LIX1: variants seen among roughly 807,000 people sequenced by gnomAD.
The protein encoded by LIX1 is protein limb expression 1 homolog.
A neutral mutation model predicts 33.4 loss-of-function variants in LIX1; 24 were observed. The ratio of observed to expected loss-of-function variants is 0.72; its 90% CI spans 0.52 to 1.01. LIX1 has a LOEUF of 1.01. Among genes scored for constraint, LIX1 ranks in the 50% least tolerant of loss-of-function variants. The probability of loss-of-function intolerance (pLI) is 0.00; values close to 1 mark genes in which losing one functional copy is unlikely to be tolerated. For synonymous variants in LIX1, 124 were observed against 124.0 expected (o/e 1.00, Z 0.00); for missense variants, 311 against 339.2 (o/e 0.92, Z 0.65).
intron 1 of LIX1, among the ~76,000 whole-genome samples, chr5:97,127,910 A>T (rs1747969729): frequency 6.6e-6 from 1 of 152,192 alleles, no homozygotes; most frequent in South Asian, 2.1e-4. Context: ...TCTCAAAAGA[A>T]TTTGTGCTGC....
chr5:97,098,355 G>A (rs1746499910), intron 4 of LIX1, among the ~76,000 whole-genome samples: 1 of 152,170 alleles, frequency 6.6e-6, no homozygotes, highest in Non-Finnish European at 1.5e-5. Context: ...GCAAGCTAAG[G>A]TGTATAAGTT....
chr5:97,096,146 G>A (rs1474582760), intron 5 of LIX1, among the ~76,000 whole-genome samples: 1 of 152,182 alleles, frequency 6.6e-6, no homozygotes, highest in Admixed American at 6.5e-5. Context: ...ACGGTGGGTA[G>A]AGGAAGGATA....
chr5:97,098,803 T>C (rs1320950153), intron 4 of LIX1, among the ~76,000 whole-genome samples: 1 of 152,222 alleles, frequency 6.6e-6, no homozygotes, highest in East Asian at 1.9e-4. Flanking sequence ...ATCAGGAGAC[T>C]CATAGTCAGG....
intron 4 of LIX1, among the ~76,000 whole-genome samples, chr5:97,097,356 G>C (rs1325141108): frequency 6.6e-6 from 1 of 152,198 alleles, no homozygotes; most frequent in African/African-American, 2.4e-5. Flanking sequence ...AAGAAAGGAT[G>C]AGAACGTTCC....
At chr5:97,119,167 T>C (rs1251966482) in intron 2 of LIX1, among the ~76,000 whole-genome samples, 1 of 152,240 alleles carries the variant, frequency 6.6e-6, no homozygotes, top group African/African-American at 2.4e-5. Context: ...TTTCAATTAC[T>C]TGGCACCATT....
chr5:97,130,232 C>T (rs181920391), intron 1 of LIX1, among the ~76,000 whole-genome samples: 8 of 152,314 alleles, frequency 5.3e-5, no homozygotes, highest in African/African-American at 1.4e-4. Context: ...TGGTTTCCCC[C>T]GTAGAGAGAA....
At chr5:97,098,294 A>G (rs1746497496) in intron 4 of LIX1, among the ~76,000 whole-genome samples, 1 of 152,228 alleles carries the variant, frequency 6.6e-6, no homozygotes, top group African/African-American at 2.4e-5. Flanking sequence ...GGCTGAGCAC[A>G]GCATTCAGAC....
chr5:97,103,768 A>G (rs1746849418), intron 4 of LIX1, among the ~76,000 whole-genome samples: 1 of 152,152 alleles, frequency 6.6e-6, no homozygotes. Flanking sequence ...GATGGAGACC[A>G]TCCTGGCTAA....
chr5:97,117,336 G>A (rs1747660177), intron 2 of LIX1, among the ~76,000 whole-genome samples: 1 of 152,142 alleles, frequency 6.6e-6, no homozygotes, highest in Non-Finnish European at 1.5e-5. Flanking sequence ...GAAATACTAG[G>A]CATTAAAACA....
At chr5:97,123,716 T>G (rs1747841635) in intron 2 of LIX1, among the ~76,000 whole-genome samples, 2 of 152,216 alleles carry the variant, frequency 1.3e-5, no homozygotes, top group African/African-American at 2.4e-5. Flanking sequence ...TATGAAGATC[T>G]CTTATGGTTT....
chr5:97,095,387 T>C (rs1746325818), intron 5 of LIX1, among the ~76,000 whole-genome samples: 1 of 152,228 alleles, frequency 6.6e-6, no homozygotes, highest in South Asian at 2.1e-4. Context: ...TTGAACCCTG[T>C]TGCCCAGCAT....
At chr5:97,126,540 G>A (rs31012) in intron 1 of LIX1, among the ~76,000 whole-genome samples, 106,903 of 152,002 alleles carry the variant, frequency 0.7, 38,381 homozygotes, top group African/African-American at 0.83. Flanking sequence ...GGATACTTGA[G>A]TTAATCAATA....
At chr5:97,135,426 A>C (rs188758773) in intron 1 of LIX1, among the ~76,000 whole-genome samples, 2 of 152,340 alleles carry the variant, frequency 1.3e-5, no homozygotes, top group Non-Finnish European at 2.9e-5. Context: ...TCAATCTCAA[A>C]AGCTGCATAA....
chr5:97,127,311 G>A (rs1747950242), intron 1 of LIX1, among the ~76,000 whole-genome samples: 1 of 152,158 alleles, frequency 6.6e-6, no homozygotes, highest in Admixed American at 6.5e-5. Flanking sequence ...AAGAATTTTG[G>A]CATGTAAAGC....
intron 2 of LIX1, among the ~76,000 whole-genome samples, chr5:97,115,209 T>A (rs1177493343): frequency 6.6e-6 from 1 of 152,246 alleles, no homozygotes; most frequent in African/African-American, 2.4e-5. Context: ...ACTAGTTAAC[T>A]ATTTAGCATT....
chr5:97,108,251 G>A (rs546329779), intron 2 of LIX1, among the ~76,000 whole-genome samples: 1 of 152,244 alleles, frequency 6.6e-6, no homozygotes, highest in South Asian at 2.1e-4. Context: ...TTGAGGACTA[G>A]GATTTCTCCC....
chr5:97,116,710 TC>T (rs763632472), intron 2 of LIX1, among the ~76,000 whole-genome samples: 6 of 152,298 alleles, frequency 3.9e-5, no homozygotes, highest in Non-Finnish European at 7.4e-5. Context: ...TTTCTTTTTT[TC>T]AAGTTAAGGT....
At chr5:97,115,304 TTTTTA>T (rs929193232) in intron 2 of LIX1, among the ~76,000 whole-genome samples, 6 of 152,250 alleles carry the variant, frequency 3.9e-5, no homozygotes, top group Admixed American at 6.5e-5. Flanking sequence ...GAAATTAGTT[TTTTTA>T]TTACTTATTT....
At position 97,124,518 on chromosome 5, in the gene LIX1, G is replaced by T. The variant is rs1747864142; in HGVS notation, c.194C>A (p.Pro65His). The change falls in exon 2 of 6, where the codon CCC becomes CAC. Residue 65 changes from proline to histidine, a missense_variant. Coordinates refer to ENST00000274382, the MANE Select transcript of LIX1 (RefSeq NM_153234.5). ...TGGGAGGGTCACGTAACTCACAAAG[G>T]GAGGCCCAGGAGCTGGCAGTGACTC... ...VYESLPAPGP[P>H]FVSYVTLPGG... 4 of 1,609,726 alleles carry T rather than the reference G, an allele frequency of 2.5e-6. No homozygotes were observed. The highest frequency in any genetic ancestry group is 3.4e-6 in the Non-Finnish European group (4 of 1,177,608).
Sources: allele counts gnomAD v4.1 joint callset (sites outside exome capture counted in the v4.1 genomes callset), GRCh38; gene constraint gnomAD v4.1.1; transcripts MANE v1.5; gene names NCBI Gene and HGNC (gene_info 2026-07-23, HGNC 2026-07-21).